Variants in SLC25A24 observed in about 807,000 individuals in gnomAD.
SLC25A24 encodes the protein mitochondrial adenyl nucleotide antiporter SLC25A24.
A neutral mutation model predicts 60.7 loss-of-function variants in SLC25A24; 49 were observed. That is an observed-to-expected ratio of 0.81 (90% CI 0.64 to 1.02). The LOEUF (loss-of-function observed/expected upper bound fraction) is 1.02, where lower values mean the gene tolerates loss of function less well. Among genes scored for constraint, SLC25A24 ranks in the 50% least tolerant of loss-of-function variants. The probability of loss-of-function intolerance (pLI) is 0.00; values close to 1 mark genes in which losing one functional copy is unlikely to be tolerated. For missense variants in SLC25A24, 564 were observed against 586.3 expected (o/e 0.96, Z 0.39); for synonymous variants, 202 against 200.6 (o/e 1.01, Z -0.06).
At chr1:108,199,926 C>A in intron 1 of SLC25A24, 30 bp downstream of exon 1, 1 of 1,568,968 alleles carries the variant, frequency 6.4e-7, no homozygotes, top group Non-Finnish European at 8.7e-7. Flanking sequence ...GCCCTCCCTA[C>A]GCTCAGGCGG....
intron 3 of SLC25A24, 76 bp from the exon 4 acceptor site, chr1:108,161,369 A>G: frequency 1.3e-6 from 1 of 766,358 alleles, no homozygotes; most frequent in Non-Finnish European, 2.3e-6. Context: ...CACTTTACAG[A>G]ATGACAGTTT....
At chr1:108,198,162 T>A (rs1285922470) in intron 1 of SLC25A24, among the ~76,000 whole-genome samples, 2 of 152,210 alleles carry the variant, frequency 1.3e-5, no homozygotes, top group Non-Finnish European at 1.5e-5. Flanking sequence ...CCTGCGGAAC[T>A]GTGAGCTAAA....
intron 2 of SLC25A24, among the ~76,000 whole-genome samples, chr1:108,185,091 A>T (rs1289064942): frequency 6.6e-6 from 1 of 152,100 alleles, no homozygotes; most frequent in Non-Finnish European, 1.5e-5. Context: ...GAGGTAGTGC[A>T]TTTGCTCTGT....
chr1:108,141,113 C>T (rs1373476013), intron 8 of SLC25A24, among the ~76,000 whole-genome samples: 11 of 152,002 alleles, frequency 7.2e-5, no homozygotes, highest in Admixed American at 5.2e-4. Flanking sequence ...TCCATAAAAA[C>T]GGGAACCCAA....
chr1:108,158,473 C>A (rs986433496), intron 4 of SLC25A24, among the ~76,000 whole-genome samples: 1 of 151,834 alleles, frequency 6.6e-6, no homozygotes, highest in African/African-American at 2.4e-5. Flanking sequence ...TAAAAAATAC[C>A]GTAAGAATTA....
intron 7 of SLC25A24, 22 bp from the exon 8 acceptor site, chr1:108,143,732 A>G: frequency 6.3e-7 from 1 of 1,589,472 alleles, no homozygotes; most frequent in East Asian, 2.2e-5. Flanking sequence ...AAAAAACAAA[A>G]TATGATTGTT....
chr1:108,148,497 T>C lies in SLC25A24; in HGVS notation c.823-111A>G, dbSNP rs887101617. The C allele has an allele frequency of 2.2e-5, 15 of 684,232 alleles. No homozygotes were observed. In the Admixed American group the frequency reaches 3.0e-4, roughly 14 times the overall value. 42.4% of individuals were successfully genotyped at this position (684,232 alleles called of 1,614,324 possible). ...CCTCCCATGTGATGGTATTAGGAGATGAGGCTTCTGGAGGTAATTAGGGTT... is the reference window on the plus strand; with the variant it reads ...CCTCCCATGTGATGGTATTAGGAGACGAGGCTTCTGGAGGTAATTAGGGTT... On this transcript the variant is annotated intron_variant, in intron 6 of 9. Coordinates refer to ENST00000565488, the MANE Select transcript of SLC25A24 (RefSeq NM_013386.5).
intron 3 of SLC25A24, among the ~76,000 whole-genome samples, chr1:108,162,051 G>C (rs1285629326): frequency 1.3e-5 from 2 of 150,222 alleles, no homozygotes; most frequent in African/African-American, 4.9e-5. Flanking sequence ...GCGGTGTTTG[G>C]TTTTTTGTTC....
intron 1 of SLC25A24, among the ~76,000 whole-genome samples, chr1:108,192,073 G>A (rs497819): frequency 0.42 from 57,210 of 136,584 alleles, 17,585 homozygotes; most frequent in African/African-American, 0.54. Context: ...AACAGAAACC[G>A]AAACATAACA....
intron 5 of SLC25A24, 54 bp from the exon 6 acceptor site, chr1:108,155,189 T>C: frequency 6.7e-7 from 1 of 1,492,272 alleles, no homozygotes; most frequent in Non-Finnish European, 9.1e-7. Flanking sequence ...ACTATTACTT[T>C]TTCTAGAACA....
chr1:108,158,017 T>C (rs1160739270), intron 4 of SLC25A24, among the ~76,000 whole-genome samples: 2 of 152,202 alleles, frequency 1.3e-5, no homozygotes, highest in African/African-American at 2.4e-5. Context: ...AAGAAATTCG[T>C]TCATCAATTC....
In SLC25A24 at chr1:108,135,116, T is replaced by C. The variant is rs1422112921; in HGVS notation, c.*1537A>G. On this transcript the variant is annotated 3_prime_UTR_variant, in exon 10 of 10. Transcript: ENST00000565488. ...AAGAGCTGATCATGTACCTTAATAT[T>C]GTCACTTTATATATTACTCAAAAGT... 1 of 152,556 alleles carries C rather than the reference T, an allele frequency of 6.6e-6. No individual in the cohort carries two copies. The highest frequency in any genetic ancestry group is 1.5e-5 in the Non-Finnish European group (1 of 67,992). 9.5% of individuals were successfully genotyped at this position (152,556 alleles called of 1,614,324 possible).
At chr1:108,181,840 T>G in intron 3 of SLC25A24, 101 bp downstream of exon 3, 1 of 798,720 alleles carries the variant, frequency 1.3e-6, no homozygotes, top group South Asian at 1.5e-5. Context: ...ATATACATAA[T>G]GAAGACTAGG....
chr1:108,155,854 A>AT (rs1311080613), intron 5 of SLC25A24, among the ~76,000 whole-genome samples: 1 of 152,188 alleles, frequency 6.6e-6, no homozygotes, highest in Non-Finnish European at 1.5e-5. Flanking sequence ...CCACCTACAG[A>AT]TAAAAACTGA....
At chr1:108,137,875 C>G (rs1248509039) in intron 9 of SLC25A24, among the ~76,000 whole-genome samples, 1 of 152,214 alleles carries the variant, frequency 6.6e-6, no homozygotes, top group East Asian at 1.9e-4. Flanking sequence ...AGAGAATACA[C>G]AAGAAACGTG....
Position 108,136,433 on chromosome 1 carries a change from A to T in SLC25A24, c.*220T>A. Reference sequence around the variant, plus strand: ...GATTATTAAGAAAAGATAAAGTATAATTGTGTGGCCTTTTCAAAACACATT... The same window carrying T: ...GATTATTAAGAAAAGATAAAGTATATTTGTGTGGCCTTTTCAAAACACATT... On this transcript the variant is annotated 3_prime_UTR_variant, in exon 10 of 10. Transcript: ENST00000565488. 1 of 471,620 alleles carries T rather than the reference A, an allele frequency of 2.1e-6. No homozygotes were observed. Among genetic ancestry groups the T allele is most frequent in the Non-Finnish European group, 3.7e-6 (1 of 268,010 alleles). 29.2% of individuals were successfully genotyped at this position (471,620 alleles called of 1,614,324 possible). A position where few individuals can be genotyped will look rare whatever the true frequency, so the allele number is the denominator to read the frequency against.
In SLC25A24 at chr1:108,136,283, A is replaced by G. The variant is rs1679279979; in HGVS notation, c.*370T>C. 1.3e-5 allele frequency: 2 copies of G among 156,986 alleles called. No individual in the cohort carries two copies. Among genetic ancestry groups the G allele is most frequent in the African/African-American group, 4.8e-5 (2 of 41,628 alleles). 9.7% of individuals were successfully genotyped at this position (156,986 alleles called of 1,614,324 possible). On this transcript the variant is annotated 3_prime_UTR_variant, in exon 10 of 10. Transcript: ENST00000565488. Reference sequence around the variant, plus strand: ...ATATAAAACAAGAAATTTAAATATAAAGGAACTGGCATAAACGTAAACCAC... The same window carrying G: ...ATATAAAACAAGAAATTTAAATATAGAGGAACTGGCATAAACGTAAACCAC...
chr1:108,137,021 C>T (rs965276897), intron 9 of SLC25A24, among the ~76,000 whole-genome samples, 184 bp from the exon 10 acceptor site: 1 of 152,152 alleles, frequency 6.6e-6, no homozygotes, highest in African/African-American at 2.4e-5. Context: ...AGTGTCCTAA[C>T]TATAGTAATG....
chr1:108,154,985 G>A lies in SLC25A24; in HGVS notation c.820C>T (p.Gln274Ter). The A allele has an allele frequency of 6.2e-7, 1 of 1,606,522 alleles. No individual in the cohort carries two copies. The highest frequency in any genetic ancestry group is 8.5e-7 in the Non-Finnish European group (1 of 1,176,496). ...ETAVKFWAYE[Q>*]YKKLLTEEGQ... ...ATTCCACGGGTGATAACAATTACCT[G>A]TTCATATGCCCAGAATTTAACAGCT... Residue 274 changes from glutamine (Q) to a stop codon, truncating the protein, a stop_gained and splice_region_variant, in exon 6 of 10, where the codon CAG (glutamine) becomes TAG (stop). Coordinates refer to ENST00000565488, the MANE Select transcript of SLC25A24 (RefSeq NM_013386.5). LOFTEE classifies it high-confidence loss of function.
Sources: gnomAD v4.1 joint callset for allele counts (sites outside exome capture counted in the v4.1 genomes callset) on GRCh38, gnomAD v4.1.1 for gene constraint, MANE v1.5 for transcripts, NCBI Gene and HGNC (gene_info 2026-07-23, HGNC 2026-07-21) for gene names.